PTBP1: variants seen among roughly 807,000 people sequenced by gnomAD.
The protein encoded by PTBP1 is polypyrimidine tract-binding protein 1.
PTBP1 carries 8 observed loss-of-function variants against 59.8 expected under a neutral mutation model. The observed-to-expected ratio is 0.13, with a 90% confidence interval of 0.08 to 0.24. The LOEUF is 0.24. Ranked by LOEUF, PTBP1 falls within the 10% of genes least tolerant of loss-of-function variation. The probability of loss-of-function intolerance (pLI) is 1.00; values close to 1 mark genes in which losing one functional copy is unlikely to be tolerated. For synonymous variants in PTBP1, 490 were observed against 320.7 expected (o/e 1.53, Z -5.64); for missense variants, 686 against 767.0 (o/e 0.89, Z 1.25).
rs1466459047 is a variant in PTBP1 at position 807,917 on chromosome 19, A to C, written c.1153+15A>C. 3 of 1,606,842 alleles carry C rather than the reference A, an allele frequency of 1.9e-6. No individual in the cohort carries two copies. The highest frequency in any genetic ancestry group is 1.3e-5 in the African/African-American group (1 of 74,750). On this transcript the variant is annotated intron_variant, in intron 11 of 14. Coordinates refer to ENST00000356948, the MANE Select transcript of PTBP1 (RefSeq NM_002819.5). ...TATTCTTTTCGGTATGTTATCGTTC[A>C]CACTTTTATTACCTTGTTTTCATTA...
intron 2 of PTBP1, among the ~76,000 whole-genome samples, chr19:802,489 T>C (rs1821993792): frequency 6.6e-6 from 1 of 152,104 alleles, no homozygotes; most frequent in South Asian, 2.1e-4. Flanking sequence ...CCACTGGTTC[T>C]TTCTGATGCG....
At chr19:804,267 C>T in intron 4 of PTBP1, 25 bp from the exon 5 acceptor site, 2 of 1,612,972 alleles carry the variant, frequency 1.2e-6, no homozygotes, top group African/African-American at 1.3e-5. Context: ...CGAGGAGGGC[C>T]CAGCGCTCAC....
rs1448580388 is a variant in PTBP1 at position 805,303 on chromosome 19, C to T, written c.892+116C>T. On this transcript the variant is annotated intron_variant, in intron 8 of 14. Coordinates refer to ENST00000356948, the MANE Select transcript of PTBP1 (RefSeq NM_002819.5). ...ACCAGGGTGATGCACCTGCTGCTCT[C>T]TGCACGGCCAGCACAGCACGGTCCA... 1.8e-5 allele frequency: 24 copies of T among 1,307,404 alleles called. No individual in the cohort carries two copies. In the South Asian group the frequency reaches 2.7e-4, roughly 15 times the overall value. 81.0% of individuals were successfully genotyped at this position (1,307,404 alleles called of 1,614,324 possible).
chr19:808,887 A>T lies in PTBP1; in HGVS notation c.1463+125A>T. The stretch of plus-strand genomic sequence containing the variant: ...TGCAGGTCGGGCACCTCTTACCCCA[A>T]ACCTGAAGTACTGCAAGGCCTGGAG... On this transcript the variant is annotated intron_variant, in intron 13 of 14. Coordinates refer to ENST00000356948, the MANE Select transcript of PTBP1 (RefSeq NM_002819.5). The surrounding 1 kb of genome is among the most constrained non-coding windows in gnomAD (Gnocchi z 4.7). The T allele has an allele frequency of 2.3e-6, 2 of 860,142 alleles. No homozygotes were observed. Among genetic ancestry groups the T allele is most frequent in the South Asian group, 3.2e-5 (2 of 61,542 alleles). 53.3% of individuals were successfully genotyped at this position (860,142 alleles called of 1,614,324 possible).
chr19:804,983 G>A (rs745449480), intron 7 of PTBP1, 30 bp from the exon 8 acceptor site: 9 of 1,612,132 alleles, frequency 5.6e-6, no homozygotes, highest in Admixed American at 3.3e-5. Context: ...GCCCTGGCCC[G>A]GCGACGTCTC....
intron 1 of PTBP1, among the ~76,000 whole-genome samples, chr19:798,059 C>T (rs1326907841): frequency 6.6e-6 from 1 of 151,592 alleles, no homozygotes; most frequent in African/African-American, 2.4e-5. Flanking sequence ...GGCGCCGGGG[C>T]CTCGCCGCGG....
chr19:801,738 C>T (rs982173593), intron 2 of PTBP1, among the ~76,000 whole-genome samples: 1 of 151,898 alleles, frequency 6.6e-6, no homozygotes, highest in Non-Finnish European at 1.5e-5. Flanking sequence ...TGCACCCATC[C>T]TCCCTTCCTC....
chr19:805,216 G>A (rs1315903870), intron 8 of PTBP1, 29 bp downstream of exon 8: 1 of 1,609,876 alleles, frequency 6.2e-7, no homozygotes, highest in Non-Finnish European at 8.5e-7. Context: ...CGGCGCCAGT[G>A]TGCAGAGTGG....
At chr19:804,465 C>T in intron 5 of PTBP1, 27 bp downstream of exon 5, 1 of 1,603,798 alleles carries the variant, frequency 6.2e-7, no homozygotes, top group Non-Finnish European at 8.5e-7. Context: ...CGGACCCCAG[C>T]AGCCCGGGGA....
chr19:810,546 C>G lies in PTBP1; in HGVS notation c.1467C>G (p.Pro489=), dbSNP rs1365880518. 2 of 1,613,156 alleles carry G rather than the reference C, an allele frequency of 1.2e-6. No homozygotes were observed. The highest frequency in any genetic ancestry group is 3.3e-5 in the Admixed American group (2 of 59,772). Residue 489 remains proline, a synonymous_variant, in exon 14 of 15, where the codon CCC becomes CCG. Transcript: ENST00000356948. ...TCACGCCTTTCTCCTCCCACAGGCC[C>G]TCAGTCTCCGAGGAGGATCTCAAGG... is the stretch of plus-strand genomic sequence containing the variant. ...SATLHLSNIP[P]SVSEEDLKVL... is the part of the protein sequence containing the mutation.
chr19:809,821 C>T (rs76702763), intron 13 of PTBP1, among the ~76,000 whole-genome samples: 1,879 of 152,248 alleles, frequency 0.012, 38 homozygotes, highest in African/African-American at 0.043. Context: ...GTTCACTTCG[C>T]GCTCAGGAGG....
At chr19:798,200 G>C (rs1384798704) in intron 1 of PTBP1, among the ~76,000 whole-genome samples, 1 of 152,140 alleles carries the variant, frequency 6.6e-6, no homozygotes, top group Non-Finnish European at 1.5e-5. Context: ...GGCCGGAGGG[G>C]CCTCTCCAGG....
Position 804,033 on chromosome 19 carries a change from C to T in PTBP1, c.116-3C>T, listed in dbSNP as rs751840786. The T allele has an allele frequency of 3.1e-6, 5 of 1,613,820 alleles. No homozygotes were observed. Among genetic ancestry groups the T allele is most frequent in the Admixed American group, 1.7e-5 (1 of 59,980 alleles). ...CCTGCATCTCATGGCACCCCCTTTT[C>T]AGCAAACGGAAATGACAGCAAGAAG... On this transcript the variant is annotated splice_region_variant and splice_polypyrimidine_tract_variant and intron_variant, in intron 3 of 14. Transcript: ENST00000356948.
chr19:805,052 C>A lies in PTBP1; in HGVS notation c.757C>A (p.Leu253Met). 6.2e-7 allele frequency: 1 copy of A among 1,613,858 alleles called. No homozygotes were observed. Among genetic ancestry groups the A allele is most frequent in the Non-Finnish European group, 8.5e-7 (1 of 1,179,878 alleles). ...GAACATCTACAACGCCTGCTGCACG[C>A]TGCGCATCGACTTTTCCAAGCTCAC... ...GQNIYNACCT[L>M]RIDFSKLTSL... Residue 253 changes from leucine (L) to methionine (M), a missense_variant, in exon 8 of 15, where the codon CTG (leucine) becomes ATG (methionine). Leu to Met is a conservative substitution (Grantham distance 15). Coordinates refer to ENST00000356948, the MANE Select transcript of PTBP1 (RefSeq NM_002819.5).
Position 806,339 on chromosome 19 carries a change from G to GCGT in PTBP1, c.971-66_971-64dup, listed in dbSNP as rs893005292. The GCGT allele has an allele frequency of 2.5e-5, 38 of 1,490,216 alleles. No individual in the cohort carries two copies. In the African/African-American group the frequency reaches 4.5e-4, roughly 18 times the overall value. 92.3% of individuals were successfully genotyped at this position (1,490,216 alleles called of 1,614,324 possible). A position where few individuals can be genotyped will look rare whatever the true frequency, so the allele number is the denominator to read the frequency against. ...GCTCCTCGGTGCATGAGGACGGGGA[G>GCGT]CGTCGGCCTCTCCCACTCTGCGGTG... is the stretch of plus-strand genomic sequence containing the variant. On this transcript the variant is annotated intron_variant, in intron 9 of 14. Transcript: ENST00000356948.
intron 2 of PTBP1, among the ~76,000 whole-genome samples, 167 bp downstream of exon 2, chr19:799,610 G>C (rs370227086): frequency 1.2e-4 from 19 of 152,368 alleles, no homozygotes; most frequent in African/African-American, 4.6e-4. Context: ...TGAACCCCGG[G>C]CTCCAGTGCC....
At chr19:810,331 T>C (rs140526313) in intron 13 of PTBP1, among the ~76,000 whole-genome samples, 1 of 151,904 alleles carries the variant, frequency 6.6e-6, no homozygotes, top group Non-Finnish European at 1.5e-5. Context: ...AGGAGCGTGG[T>C]ACTCTGTTTC....
chr19:801,740 CCCTT>C (rs2034344555), intron 2 of PTBP1, among the ~76,000 whole-genome samples: 1 of 151,912 alleles, frequency 6.6e-6, no homozygotes, highest in Admixed American at 6.6e-5. Context: ...CACCCATCCT[CCCTT>C]CCTCCCGTCC....
At chr19:805,591 G>C in intron 9 of PTBP1, 22 bp downstream of exon 9, 5 of 1,598,878 alleles carry the variant, frequency 3.1e-6, no homozygotes, top group Non-Finnish European at 3.4e-6. Flanking sequence ...CTTGGTCTTG[G>C]TTCCCCAGCG....
Sources: gnomAD v4.1 joint callset for allele counts (sites outside exome capture counted in the v4.1 genomes callset) on GRCh38, gnomAD v4.1.1 for gene constraint, Gnocchi (gnomAD v3.1) non-coding constraint, MANE v1.5 for transcripts, NCBI Gene and HGNC (gene_info 2026-07-23, HGNC 2026-07-21) for gene names.